Variants in CNGB3 observed in about 807,000 individuals in gnomAD.
CNGB3 encodes the protein cyclic nucleotide gated channel subunit beta 3.
In CNGB3, 86 loss-of-function variants were observed where a neutral mutation model predicts 92.8. The observed-to-expected ratio is 0.93, with a 90% CI of 0.78 to 1.11. The LOEUF is 1.11. Ranked by LOEUF, CNGB3 falls within the 50% of genes least tolerant of loss-of-function variation. The probability of loss-of-function intolerance (pLI) is 0.00; values close to 1 mark genes in which losing one functional copy is unlikely to be tolerated. For missense variants in CNGB3, 1,026 were observed against 956.8 expected (o/e 1.07, Z -0.95); for synonymous variants, 333 against 332.7 (o/e 1.00, Z -0.01).
intron 2 of CNGB3, among the ~76,000 whole-genome samples, chr8:86,733,398 G>T (rs1400815137): frequency 1.3e-5 from 2 of 152,162 alleles, no homozygotes; most frequent in African/African-American, 4.8e-5. Context: ...TCACAGTGAT[G>T]AACATACAAG....
Position 86,611,529 on chromosome 8 carries a change from T to C in CNGB3, c.1662+59A>G, listed in dbSNP as rs375040623. On this transcript the variant is annotated intron_variant, in intron 14 of 17. Transcript: ENST00000320005. Reference sequence around the variant, plus strand: ...TTGTTTAAACAATGTTCTTGACTTATGTCCGAAATCCTCAAATGCATTTAT... The same window carrying C: ...TTGTTTAAACAATGTTCTTGACTTACGTCCGAAATCCTCAAATGCATTTAT... 7 of 1,356,030 alleles carry C rather than the reference T, an allele frequency of 5.2e-6. No homozygotes were observed. In the African/African-American group the frequency reaches 8.6e-5, roughly 17 times the overall value. The allele number at this position is 1,356,030 out of a possible 1,614,324, so 84.0% of individuals were successfully genotyped here. A position where few individuals can be genotyped will look rare whatever the true frequency, so the allele number is the denominator to read the frequency against.
intron 15 of CNGB3, among the ~76,000 whole-genome samples, chr8:86,586,300 T>C (rs1455593095): frequency 6.6e-6 from 1 of 151,334 alleles, no homozygotes; most frequent in Non-Finnish European, 1.5e-5. Context: ...ACTAAGAATA[T>C]TGTAATAGTA....
At chr8:86,670,314 A>G (rs1003365001) in intron 4 of CNGB3, among the ~76,000 whole-genome samples, 2 of 152,080 alleles carry the variant, frequency 1.3e-5, no homozygotes, top group African/African-American at 2.4e-5. Context: ...TTAAATATTT[A>G]CAATAAAATT....
intron 15 of CNGB3, among the ~76,000 whole-genome samples, chr8:86,595,765 C>G (rs1309152544): frequency 1.3e-5 from 2 of 152,026 alleles, no homozygotes; most frequent in Non-Finnish European, 2.9e-5. Flanking sequence ...GTCCAAAGAC[C>G]TAAAAGTCTC....
intron 3 of CNGB3, among the ~76,000 whole-genome samples, chr8:86,680,540 C>T (rs140947122): frequency 1.2e-3 from 187 of 152,200 alleles, no homozygotes; most frequent in Non-Finnish European, 2.0e-3. Flanking sequence ...AGGTTGCTCT[C>T]TTTTTGACCA....
At chr8:86,685,551 G>T (rs1259787303) in intron 3 of CNGB3, among the ~76,000 whole-genome samples, 5 of 152,072 alleles carry the variant, frequency 3.3e-5, no homozygotes, top group African/African-American at 1.2e-4. Flanking sequence ...AGGGTAAAAA[G>T]TCCTGAGTTT....
intron 8 of CNGB3, among the ~76,000 whole-genome samples, chr8:86,645,445 C>T (rs559054005): frequency 2.0e-5 from 3 of 151,286 alleles, no homozygotes; most frequent in African/African-American, 7.2e-5. Flanking sequence ...TTGCTATTTC[C>T]GTGTCTTGGT....
intron 14 of CNGB3, among the ~76,000 whole-genome samples, chr8:86,606,886 C>T (rs540650199): frequency 2.6e-5 from 4 of 152,112 alleles, no homozygotes; most frequent in Non-Finnish European, 5.9e-5. Context: ...CCACATCTAA[C>T]GGTGACTCCA....
At chr8:86,694,903 C>T (rs954045941) in intron 3 of CNGB3, among the ~76,000 whole-genome samples, 1 of 152,100 alleles carries the variant, frequency 6.6e-6, no homozygotes, top group Admixed American at 6.5e-5. Flanking sequence ...GGGGTGGCGC[C>T]CGGGCAGAGG....
At chr8:86,692,481 C>G (rs1024346566) in intron 3 of CNGB3, among the ~76,000 whole-genome samples, 1 of 152,084 alleles carries the variant, frequency 6.6e-6, no homozygotes. Context: ...TATATAATGT[C>G]CCTCTTTGTC....
At chr8:86,664,620 C>T (rs1823706486) in intron 6 of CNGB3, among the ~76,000 whole-genome samples, 1 of 152,168 alleles carries the variant, frequency 6.6e-6, no homozygotes, top group Non-Finnish European at 1.5e-5. Flanking sequence ...ATAAACTTCC[C>T]TCAACACTGA....
At chr8:86,608,127 A>G (rs1822447674) in intron 14 of CNGB3, among the ~76,000 whole-genome samples, 1 of 152,232 alleles carries the variant, frequency 6.6e-6, no homozygotes, top group Non-Finnish European at 1.5e-5. Context: ...TATACCAGAT[A>G]TAGATCTTAG....
chr8:86,620,192 G>T lies in CNGB3; in HGVS notation c.1578+5791C>A, dbSNP rs146748756. On this transcript the variant is annotated intron_variant, in intron 13 of 17. Coordinates refer to ENST00000320005, the MANE Select transcript of CNGB3 (RefSeq NM_019098.5). ...ATGACCTCAGTCAGGTAAGTTGTTT[G>T]CTCTCCGTAAAATGGGATAGTAACA... Among the ~76,000 whole-genome samples the T allele has an allele frequency of 3.8e-3, 574 of 152,286 alleles. 3 individuals carry two copies. Among genetic ancestry groups the T allele is most frequent in the African/African-American group, 0.013 (533 of 41,552 alleles).
At chr8:86,678,757 CA>C (rs909438599) in intron 3 of CNGB3, among the ~76,000 whole-genome samples, 5 of 151,780 alleles carry the variant, frequency 3.3e-5, no homozygotes, top group African/African-American at 7.3e-5. Context: ...AAAGTAACAA[CA>C]AAAAAAATTT....
At chr8:86,577,610 A>G (rs1393394174) in intron 17 of CNGB3, among the ~76,000 whole-genome samples, 2 of 152,170 alleles carry the variant, frequency 1.3e-5, no homozygotes, top group African/African-American at 2.4e-5. Flanking sequence ...ACTTTGTTTC[A>G]TGTGTGTTTT....
chr8:86,694,333 C>T (rs1279258836), intron 3 of CNGB3, among the ~76,000 whole-genome samples: 20 of 146,708 alleles, frequency 1.4e-4, no homozygotes, highest in South Asian at 4.4e-4. Context: ...CCGGATGGGG[C>T]GGCTGGCCGG....
chr8:86,658,177 G>C (rs932677719), intron 6 of CNGB3: 2 of 544,156 alleles, frequency 3.7e-6, no homozygotes, highest in Non-Finnish European at 6.8e-6. Context: ...CACCAGGTGA[G>C]CCAGACACTG....
intron 6 of CNGB3, chr8:86,660,091 T>C (rs1335002082): frequency 1.3e-5 from 4 of 314,248 alleles, no homozygotes; most frequent in African/African-American, 2.2e-5. Flanking sequence ...GAGCAGACAG[T>C]TGTAGAGGAG....
intron 8 of CNGB3, among the ~76,000 whole-genome samples, chr8:86,646,438 A>G (rs1563739060): frequency 6.6e-6 from 1 of 151,202 alleles, no homozygotes; most frequent in Non-Finnish European, 1.5e-5. Flanking sequence ...GATAAATGTG[A>G]TAGAGTTCAG....
Sources: gnomAD v4.1 joint callset for allele counts (sites outside exome capture counted in the v4.1 genomes callset) on GRCh38, gnomAD v4.1.1 for gene constraint, MANE v1.5 for transcripts, NCBI Gene and HGNC (gene_info 2026-07-23, HGNC 2026-07-21) for gene names.